Variants in METTL15 observed in about 807,000 individuals in gnomAD.
The protein encoded by METTL15 is 12S rRNA N(4)-cytidine methyltransferase METTL15.
In METTL15, 34 loss-of-function variants were observed where a neutral mutation model predicts 38.3. The observed-to-expected ratio is 0.89, with a 90% CI of 0.68 to 1.18. The LOEUF is 1.18. Ranked by LOEUF, METTL15 falls within the 50% of genes most tolerant of loss-of-function variation. METTL15 has a pLI of 0.00. For missense variants in METTL15, 438 were observed against 498.4 expected, an observed-to-expected ratio of 0.88 and a Z score of 1.15; for synonymous variants, 162 against 170.9, an observed-to-expected ratio of 0.95 and a Z score of 0.41.
At chr11:28,511,261 G>A (rs1590399405) in intron 6 of METTL15, among the ~76,000 whole-genome samples, 1 of 152,172 alleles carries the variant, frequency 6.6e-6, no homozygotes, top group Admixed American at 6.5e-5. Flanking sequence ...ATAGCCTGGT[G>A]TTGACCTGAA....
chr11:28,467,309 A>G (rs571421177), intron 6 of METTL15, among the ~76,000 whole-genome samples: 1 of 152,168 alleles, frequency 6.6e-6, no homozygotes, highest in Admixed American at 6.5e-5. Context: ...TTGGTGTTTC[A>G]GTAACATTTT....
chr11:28,452,166 G>T (rs1033579957), intron 6 of METTL15, among the ~76,000 whole-genome samples: 1 of 152,180 alleles, frequency 6.6e-6, no homozygotes, highest in Admixed American at 6.5e-5. Context: ...AACATTTTGT[G>T]GAGAGAGCCG....
At chr11:28,175,572 C>A (rs1379822636) in intron 3 of METTL15, among the ~76,000 whole-genome samples, 1 of 152,150 alleles carries the variant, frequency 6.6e-6, no homozygotes, top group African/African-American at 2.4e-5. Flanking sequence ...TTACAGGCAT[C>A]AGTTAAAAAT....
At chr11:28,516,196 T>C (rs1054220539) in intron 6 of METTL15, among the ~76,000 whole-genome samples, 12 of 152,192 alleles carry the variant, frequency 7.9e-5, no homozygotes, top group Admixed American at 3.3e-4. Flanking sequence ...GAGTGAATGA[T>C]GGGCTGGTTG....
At chr11:28,249,350 TATAAG>T (rs768989731) in intron 4 of METTL15, among the ~76,000 whole-genome samples, 3 of 152,032 alleles carry the variant, frequency 2.0e-5, no homozygotes, top group Admixed American at 6.6e-5. Context: ...GGATAATTAA[TATAAG>T]ATAATGAAGA....
At chr11:28,413,422 C>T (rs1405387225) in intron 5 of METTL15, among the ~76,000 whole-genome samples, 2 of 151,996 alleles carry the variant, frequency 1.3e-5, no homozygotes, top group Admixed American at 6.6e-5. Context: ...GATTTATATT[C>T]GTTTCCTGCG....
chr11:28,224,736 G>A (rs1457489673), intron 4 of METTL15, among the ~76,000 whole-genome samples: 1 of 151,710 alleles, frequency 6.6e-6, no homozygotes, highest in Non-Finnish European at 1.5e-5. Context: ...TATTGTTGAT[G>A]ATTTAATAAA....
intron 3 of METTL15, among the ~76,000 whole-genome samples, chr11:28,146,276 G>A (rs912041479): frequency 1.3e-5 from 2 of 151,972 alleles, no homozygotes; most frequent in Non-Finnish European, 2.9e-5. Context: ...ATCCTGGCGA[G>A]TGCTTGGATA....
chr11:28,264,225 A>G (rs1243259371), intron 4 of METTL15, among the ~76,000 whole-genome samples: 2 of 152,138 alleles, frequency 1.3e-5, no homozygotes, highest in East Asian at 3.8e-4. Flanking sequence ...GAATCACCAT[A>G]GACTATTTTG....
intron 3 of METTL15, among the ~76,000 whole-genome samples, chr11:28,201,121 G>C (rs192339605): frequency 6.6e-6 from 1 of 152,072 alleles, no homozygotes; most frequent in Non-Finnish European, 1.5e-5. Flanking sequence ...AACATGAAGC[G>C]ATGTTGAATT....
At chr11:28,218,947 T>G (rs749573457) in intron 4 of METTL15, among the ~76,000 whole-genome samples, 1 of 152,190 alleles carries the variant, frequency 6.6e-6, no homozygotes, top group Non-Finnish European at 1.5e-5. Flanking sequence ...GATGTGTTGC[T>G]GGATTCGGTT....
chr11:28,154,474 ACCTT>A (rs1276225309), intron 3 of METTL15, among the ~76,000 whole-genome samples: 1 of 152,112 alleles, frequency 6.6e-6, no homozygotes, highest in Non-Finnish European at 1.5e-5. Context: ...GCTCTAGTTT[ACCTT>A]CTAGTTCTAG....
At chr11:28,527,828 T>C (rs1440739356), downstream of METTL15, among the ~76,000 whole-genome samples, 1 of 152,242 alleles carries the variant, frequency 6.6e-6, no homozygotes, top group African/African-American at 2.4e-5. Flanking sequence ...TGTTATTTAA[T>C]AGAGACCTTC....
In METTL15 at chr11:28,240,237, C is replaced by T. The variant is rs527510022; in HGVS notation, c.407+29039C>T. ...ATAACACATTCATTCGTTCATTCAG[C>T]TGTTAAGTATCATGTAAAGATCAGC... On this transcript the variant is annotated intron_variant, in intron 4 of 6. Transcript: ENST00000407364. Among the ~76,000 whole-genome samples the T allele has an allele frequency of 1.4e-3, 218 of 152,254 alleles. 1 individual carries two copies. Among genetic ancestry groups the T allele is most frequent in the Non-Finnish European group, 2.6e-3 (174 of 67,984 alleles).
intron 3 of METTL15, among the ~76,000 whole-genome samples, chr11:28,164,478 A>G (rs1261367748): frequency 6.6e-6 from 1 of 152,012 alleles, no homozygotes; most frequent in Non-Finnish European, 1.5e-5. Flanking sequence ...ATATTTAGCC[A>G]TACATGATTT....
At position 28,296,739 on chromosome 11, in the gene METTL15, C is replaced by T. The variant is rs771993202; in HGVS notation, c.600-14C>T. ...ACTGATGTCAGTGAACTAATTGGCTCTTCTTGTGCGTAGGTACCCTGACAT... is the reference window on the plus strand; with the variant it reads ...ACTGATGTCAGTGAACTAATTGGCTTTTCTTGTGCGTAGGTACCCTGACAT... On this transcript the variant is annotated splice_polypyrimidine_tract_variant and intron_variant, in intron 5 of 6. Transcript: ENST00000407364. 9 of 1,611,768 alleles carry T rather than the reference C, an allele frequency of 5.6e-6. No homozygotes were observed. The African/African-American group carries it at 9.4e-5, about 17-fold the overall frequency.
intron 4 of METTL15, among the ~76,000 whole-genome samples, chr11:28,235,467 C>A (rs909893447): frequency 2.6e-5 from 4 of 151,996 alleles, no homozygotes; most frequent in Admixed American, 2.0e-4. Flanking sequence ...TTGTTTGTAT[C>A]CTCTTTTATT....
At chr11:28,136,112 G>T (rs970008976) in intron 3 of METTL15, among the ~76,000 whole-genome samples, 8 of 152,134 alleles carry the variant, frequency 5.3e-5, no homozygotes, top group Non-Finnish European at 1.2e-4. Context: ...AATTGTCTGT[G>T]AATAGCAAAA....
Position 28,207,957 on chromosome 11 carries a change from C to A in METTL15, c.271-3105C>A, listed in dbSNP as rs187052408. Among the ~76,000 whole-genome samples, 4 of 152,192 alleles carry A rather than the reference C, an allele frequency of 2.6e-5. No individual in the cohort carries two copies. In the East Asian group the frequency reaches 7.7e-4, roughly 29 times the overall value. On this transcript the variant is annotated intron_variant, in intron 3 of 6. Coordinates refer to ENST00000407364, the MANE Select transcript of METTL15 (RefSeq NM_001113528.2). ...ATTTCTGTGGGATCTGTGGTGATAT[C>A]CCCTTTATCATTTTTTATTGCATCT...
Sources: allele counts gnomAD v4.1 joint callset (sites outside exome capture counted in the v4.1 genomes callset), GRCh38; gene constraint gnomAD v4.1.1; transcripts MANE v1.5; gene names NCBI Gene and HGNC (gene_info 2026-07-23, HGNC 2026-07-21).